ANK3: variants seen among roughly 807,000 people sequenced by gnomAD.
The protein encoded by ANK3 is ankyrin-3.
A neutral mutation model predicts 370.9 loss-of-function variants in ANK3; 57 were observed. That is an observed-to-expected ratio of 0.15 (90% CI 0.12 to 0.19). ANK3 has a LOEUF of 0.19. Among genes scored for constraint, ANK3 ranks in the 10% least tolerant of loss-of-function variants. The pLI is 1.00. For synonymous variants in ANK3, 1,929 were observed against 1,946.3 expected, an observed-to-expected ratio of 0.99 and a Z score of 0.23; for missense variants, 4,439 against 5,302.1, an observed-to-expected ratio of 0.84 and a Z score of 5.06.
At chr10:60,414,999 C>T (rs1361881664) in intron 2 of ANK3, among the ~76,000 whole-genome samples, 1 of 152,158 alleles carries the variant, frequency 6.6e-6, no homozygotes, top group Non-Finnish European at 1.5e-5. Context: ...TCTGGAATTC[C>T]AGGGGCTGAG....
At position 60,073,140 on chromosome 10, in the gene ANK3, C is replaced by T. The variant is rs771223415; in HGVS notation, c.7741G>A (p.Val2581Met). 6.8e-6 allele frequency: 11 copies of T among 1,614,020 alleles called. No homozygotes were observed. Among genetic ancestry groups the T allele is most frequent in the Admixed American group, 1.7e-5 (1 of 59,992 alleles). ...GTCAGTTTTTCTTCAGCCTCCTTCA[C>T]AGTCCTGTCCACCCTATCTTCATAT... ...LIYEDRVDRT[V>M]KEAEEKLTEV... Residue 2581 changes from valine to methionine, a missense_variant, in exon 37 of 44, where the codon GTG (valine) becomes ATG (methionine). By Grantham distance (21) the Val-to-Met change is conservative (BLOSUM62 1). Around this residue, in one of 13 missense-constraint regions of ANK3, gnomAD observed 1,601 missense variants for 1,731.7 expected, o/e 0.92. Transcript: ENST00000280772.
chr10:60,073,244 C>G lies in ANK3; in HGVS notation c.7637G>C (p.Gly2546Ala), dbSNP rs752951323. ...GGCATGTTTTGGACTACTAACATTG[C>G]CAGAATAGTGCAACACTGTCACTTT... ...FDKVTVLHYS[G>A]NVSSPKHAMW... The change falls in exon 37 of 44, where the codon GGC (glycine) becomes GCC (alanine). Residue 2546 changes from glycine (G) to alanine (A), a missense_variant. This residue lies in a region of ANK3 where 1,601 missense variants were observed against 1,731.7 expected (regional missense o/e 0.92). Coordinates refer to ENST00000280772, the MANE Select transcript of ANK3 (RefSeq NM_020987.5). 1.9e-6 allele frequency: 3 copies of G among 1,614,084 alleles called. No individual in the cohort carries two copies. In the South Asian group the frequency reaches 3.3e-5, roughly 18 times the overall value.
chr10:60,653,572 T>C (rs2078821689), intron 1 of ANK3, among the ~76,000 whole-genome samples: 1 of 152,178 alleles, frequency 6.6e-6, no homozygotes, highest in South Asian at 2.1e-4. Context: ...TTTTGTTCTT[T>C]TTAAAATGGC....
At chr10:60,285,409 C>T (rs776995261) in intron 1 of ANK3, among the ~76,000 whole-genome samples, 28 of 152,162 alleles carry the variant, frequency 1.8e-4, no homozygotes, top group Admixed American at 4.6e-4. Context: ...CTAATCAATA[C>T]TGTCTCTCTG....
intron 2 of ANK3, among the ~76,000 whole-genome samples, chr10:60,459,654 T>C (rs565290622): frequency 2.0e-4 from 30 of 152,260 alleles, no homozygotes; most frequent in African/African-American, 7.2e-4. Flanking sequence ...TTTAAAACTG[T>C]TTCCATAAAG....
At chr10:60,651,071 G>C (rs923081011) in intron 1 of ANK3, among the ~76,000 whole-genome samples, 1 of 152,106 alleles carries the variant, frequency 6.6e-6, no homozygotes, top group Admixed American at 6.6e-5. Context: ...ATTCCAGCCT[G>C]GGTGACAAAG....
At chr10:60,650,266 T>C (rs144319448) in intron 1 of ANK3, among the ~76,000 whole-genome samples, 6,718 of 151,864 alleles carry the variant, frequency 0.044, 182 homozygotes, top group Middle Eastern at 0.075. Flanking sequence ...GCTGCACCCA[T>C]TTATTTACAT....
intron 1 of ANK3, among the ~76,000 whole-genome samples, chr10:60,678,338 A>T (rs1244387131): frequency 6.6e-6 from 1 of 152,198 alleles, no homozygotes; most frequent in Non-Finnish European, 1.5e-5. Context: ...AGAAAAACAA[A>T]TGATTACTTA....
At chr10:60,289,806 A>G (rs1393169594) in intron 1 of ANK3, among the ~76,000 whole-genome samples, 3 of 152,184 alleles carry the variant, frequency 2.0e-5, no homozygotes, top group Non-Finnish European at 4.4e-5. Context: ...TCTCCATCAG[A>G]AACGGGACTT....
At chr10:60,199,771 T>C (rs2096645037) in intron 13 of ANK3, among the ~76,000 whole-genome samples, 1 of 152,128 alleles carries the variant, frequency 6.6e-6, no homozygotes, top group Non-Finnish European at 1.5e-5. Context: ...AAAAGCTCAG[T>C]TATGCTTCTA....
intron 17 of ANK3, among the ~76,000 whole-genome samples, chr10:60,183,718 A>G (rs1005307701): frequency 1.3e-5 from 2 of 151,928 alleles, no homozygotes; most frequent in African/African-American, 4.8e-5. Flanking sequence ...ATTAGCCGGG[A>G]GTGGTGGTGC....
At chr10:60,453,112 A>G (rs181460082) in intron 2 of ANK3, among the ~76,000 whole-genome samples, 1 of 152,362 alleles carries the variant, frequency 6.6e-6, no homozygotes, top group African/African-American at 2.4e-5. Context: ...CAATCTTTAG[A>G]AACAGACTTG....
At chr10:60,150,621 G>A (rs1039700903) in intron 23 of ANK3, among the ~76,000 whole-genome samples, 1 of 152,036 alleles carries the variant, frequency 6.6e-6, no homozygotes, top group African/African-American at 2.4e-5. Context: ...TGCCCTCCTT[G>A]TTGTAGTGAG....
intron 7 of ANK3, 72 bp from the exon 8 acceptor site, chr10:60,234,858 C>A: frequency 1.1e-6 from 1 of 873,128 alleles, no homozygotes; most frequent in South Asian, 1.4e-5. Context: ...TAAACTTCCC[C>A]CAACATATCC....
chr10:60,225,815 C>T (rs546870189), intron 8 of ANK3, among the ~76,000 whole-genome samples: 5 of 151,874 alleles, frequency 3.3e-5, no homozygotes, highest in East Asian at 1.9e-4. Flanking sequence ...TATTGTCCCT[C>T]GTTGCTTGTC....
Position 60,073,454 on chromosome 10 carries a change from G to A in ANK3, c.7427C>T (p.Ser2476Phe), listed in dbSNP as rs374105867. 3.7e-5 allele frequency: 60 copies of A among 1,613,968 alleles called. 1 individual carries two copies. Among genetic ancestry groups the A allele is most frequent in the Non-Finnish European group, 4.8e-5 (57 of 1,179,996 alleles). The change falls in exon 37 of 44, where the codon TCT (serine) becomes TTT (phenylalanine). Residue 2476 changes from serine to phenylalanine, a missense_variant. Ser to Phe is a radical substitution (Grantham distance 155). Transcript: ENST00000280772. ...AACCGATTCCTCAGTATCAGAATGAGACACATCTAGCTTTTCTGACAGAAG... is the reference window on the plus strand; with the variant it reads ...AACCGATTCCTCAGTATCAGAATGAAACACATCTAGCTTTTCTGACAGAAG... ...KMLLSEKLDV[S>F]HSDTEESVTD...
chr10:60,601,009 A>T (rs1015342755), intron 2 of ANK3, among the ~76,000 whole-genome samples: 5 of 152,194 alleles, frequency 3.3e-5, no homozygotes, highest in Admixed American at 2.6e-4. Context: ...GGTGTCCCCA[A>T]ATAAGAAATA....
At chr10:60,435,633 C>CA (rs2064136593) in intron 2 of ANK3, among the ~76,000 whole-genome samples, 1 of 152,102 alleles carries the variant, frequency 6.6e-6, no homozygotes, top group Non-Finnish European at 1.5e-5. Context: ...CACACGGACC[C>CA]AAAAAACCTC....
intron 40 of ANK3, 172 bp from the exon 41 acceptor site, chr10:60,059,602 C>T: frequency 1.4e-6 from 2 of 1,405,934 alleles, no homozygotes; most frequent in South Asian, 1.3e-5. Flanking sequence ...TTTCCTTTCT[C>T]CTGCTGCTCA....
Sources: allele counts gnomAD v4.1 joint callset (sites outside exome capture counted in the v4.1 genomes callset), GRCh38; gene constraint gnomAD v4.1.1; regional missense constraint gnomAD v4.1.1; transcripts MANE v1.5; gene names NCBI Gene and HGNC (gene_info 2026-07-23, HGNC 2026-07-21).